The following KIFC3 variants were observed in gnomAD, a reference collection of about 807,000 sequenced individuals.
KIFC3 encodes kinesin-like protein KIFC3.
Under a neutral mutation model 101.8 loss-of-function variants are expected in KIFC3, and 60 were observed. The observed-to-expected ratio is 0.59, with a 90% CI of 0.48 to 0.73. The LOEUF (loss-of-function observed/expected upper bound fraction) is 0.73, where lower values mean the gene tolerates loss of function less well. KIFC3 is among the 30% of genes least tolerant of loss of function. KIFC3 has a pLI of 0.00. For missense variants in KIFC3, 966 were observed against 1,137.1 expected (o/e 0.85, Z 2.16); for synonymous variants, 476 against 482.7 (o/e 0.99, Z 0.18).
chr16:57,764,074 G>C, intron 12 of KIFC3, 69 bp downstream of exon 12: 1 of 1,102,618 alleles, frequency 9.1e-7, no homozygotes, highest in Non-Finnish European at 1.4e-6. Flanking sequence ...AATACCCCAA[G>C]ACCAATGAGG....
intron 1 of KIFC3, among the ~76,000 whole-genome samples, chr16:57,830,841 G>C (rs568365185): frequency 1.3e-5 from 2 of 152,142 alleles, no homozygotes; most frequent in Non-Finnish European, 2.9e-5. Context: ...ATTATGCCAT[G>C]GGCTTGCCTG....
At position 57,767,386 on chromosome 16, in the gene KIFC3, A is replaced by G. The variant is rs143085713; in HGVS notation, c.1219-401T>C. On this transcript the variant is annotated intron_variant, in intron 9 of 19. Coordinates refer to ENST00000445690, the MANE Select transcript of KIFC3 (RefSeq NM_001130100.2). ...TTTTCTCATCTGGAAAGCAGGGATAATACCATCTAACTCATGAATCTGTAA... is the reference window on the plus strand; with the variant it reads ...TTTTCTCATCTGGAAAGCAGGGATAGTACCATCTAACTCATGAATCTGTAA... Among the ~76,000 whole-genome samples the G allele has an allele frequency of 6.6e-4, 100 of 152,306 alleles. 2 individuals are homozygous for G. Among genetic ancestry groups the G allele is most frequent in the Middle Eastern group, 6.8e-3 (2 of 294 alleles).
upstream of KIFC3, chr16:57,802,606 C>T (rs578138824): frequency 9.8e-7 from 1 of 1,017,718 alleles, no homozygotes; most frequent in South Asian, 4.4e-5. This position sits in a 1 kb window ranked among gnomAD's most constrained non-coding sequence, Gnocchi z 5.0. Context: ...CGCACTGGCG[C>T]GCACGCGTCA....
At chr16:57,840,443 T>C (rs986268103) in intron 1 of KIFC3, among the ~76,000 whole-genome samples, 9 of 151,380 alleles carry the variant, frequency 5.9e-5, no homozygotes, top group East Asian at 2.0e-4. Flanking sequence ...CAGGGCAACA[T>C]AGCAAGACCC....
intron 1 of KIFC3, among the ~76,000 whole-genome samples, chr16:57,825,668 TTTTG>T (rs1208460451): frequency 9.8e-5 from 15 of 152,310 alleles, no homozygotes; most frequent in Admixed American, 2.6e-4. Context: ...CTTTTTTGTT[TTTTG>T]TTTGTTTGTT....
chr16:57,770,326 G>A (rs1318433432), intron 7 of KIFC3, among the ~76,000 whole-genome samples: 7 of 152,262 alleles, frequency 4.6e-5, no homozygotes, highest in African/African-American at 1.2e-4. Context: ...CCACTGTGAG[G>A]TGGGTTCTGG....
At chr16:57,797,971 G>A (rs2054473690) in intron 2 of KIFC3, 101 bp downstream of exon 2, 2 of 1,545,616 alleles carry the variant, frequency 1.3e-6, no homozygotes. Flanking sequence ...TTACCTGACA[G>A]CTCTGACTGG....
chr16:57,861,230 G>A lies in KIFC3; in HGVS notation c.108+1499C>T, dbSNP rs368778617. Among the ~76,000 whole-genome samples, 8 of 152,164 alleles carry A rather than the reference G, an allele frequency of 5.3e-5. No homozygotes were observed. The East Asian group carries it at 1.2e-3, about 22-fold the overall frequency. On this transcript the variant is annotated intron_variant, in intron 1 of 2. Transcript: ENST00000563028. Reference sequence around the variant, plus strand: ...CATTTTGTTCTTGAAATATTGGGACGTTTCCATAAGTTCTGGGTCTTTATT... The same window carrying A: ...CATTTTGTTCTTGAAATATTGGGACATTTCCATAAGTTCTGGGTCTTTATT...
chr16:57,855,956 A>T (rs2149334215), intron 1 of KIFC3, among the ~76,000 whole-genome samples: 1 of 151,610 alleles, frequency 6.6e-6, no homozygotes, highest in Admixed American at 6.6e-5. Flanking sequence ...AAAAAAAAAA[A>T]AAAACCAAAA....
At chr16:57,760,201 C>T in intron 17 of KIFC3, 81 bp downstream of exon 17, 1 of 1,510,084 alleles carries the variant, frequency 6.6e-7, no homozygotes, top group Non-Finnish European at 8.9e-7. Context: ...CAGGACGTCC[C>T]CGCCCAGCTC....
chr16:57,854,646 A>G (rs1005384220), intron 1 of KIFC3, among the ~76,000 whole-genome samples: 1 of 133,948 alleles, frequency 7.5e-6, no homozygotes, highest in Admixed American at 7.1e-5. Flanking sequence ...AAAAAAAAAG[A>G]AAGAAAGAAA....
At chr16:57,810,585 C>T (rs2055047271) in intron 1 of KIFC3, 1 of 880,616 alleles carries the variant, frequency 1.1e-6, no homozygotes, top group Non-Finnish European at 1.4e-6. Flanking sequence ...CCATCTGCCA[C>T]CTTCCAAGGG....
intron 16 of KIFC3, 141 bp from the exon 17 acceptor site, chr16:57,760,557 G>A: frequency 8.6e-7 from 1 of 1,163,294 alleles, no homozygotes; most frequent in Non-Finnish European, 1.2e-6. Context: ...CAACATGGCA[G>A]AGGTGCTGTG....
At chr16:57,822,424 G>A (rs1215106167) in intron 1 of KIFC3, among the ~76,000 whole-genome samples, 1 of 152,166 alleles carries the variant, frequency 6.6e-6, no homozygotes, top group Non-Finnish European at 1.5e-5. Context: ...CAATGTGGCT[G>A]GGCGCGGTGG....
upstream of KIFC3, chr16:57,802,634 C>G (rs1347432485): frequency 4.7e-6 from 5 of 1,073,178 alleles, no homozygotes; most frequent in Non-Finnish European, 4.6e-6. The surrounding 1 kb of genome is among the most constrained non-coding windows in gnomAD (Gnocchi z 5.0). Context: ...CGCGCCCCCG[C>G]AGGTCTCCCG....
Position 57,765,636 on chromosome 16 carries a change from G to A in KIFC3, c.1335C>T (p.Asn445=). The A allele has an allele frequency of 2.5e-6, 4 of 1,609,858 alleles. No individual in the cohort carries two copies. Among genetic ancestry groups the A allele is most frequent in the East Asian group, 2.2e-5 (1 of 44,838 alleles). Residue 445 remains asparagine, a synonymous_variant, in exon 11 of 20, where the codon AAC becomes AAT. Coordinates refer to ENST00000445690, the MANE Select transcript of KIFC3 (RefSeq NM_001130100.2). ...CHNELVRLKG[N]IRVIARVRPV... ...GCCGGACACGAGCAATCACTCGGAT[G>A]TTCCCTGGATTGGTTGGGGATGGGG...
chr16:57,786,639 CT>C (rs2149124044), intron 3 of KIFC3, among the ~76,000 whole-genome samples: 2 of 152,264 alleles, frequency 1.3e-5, no homozygotes, highest in South Asian at 4.1e-4. Flanking sequence ...CCAGAGAGCG[CT>C]GCCCTCCACC....
At chr16:57,770,264 C>CTG (rs782475234) in intron 7 of KIFC3, among the ~76,000 whole-genome samples, 4 of 152,270 alleles carry the variant, frequency 2.6e-5, no homozygotes, top group Non-Finnish European at 5.9e-5. Flanking sequence ...TGAGCACAGC[C>CTG]TGTGTGCTGG....
chr16:57,762,301 C>G (rs782304818), intron 12 of KIFC3, 31 bp from the exon 13 acceptor site: 2 of 1,501,232 alleles, frequency 1.3e-6, no homozygotes, highest in East Asian at 5.0e-5. Flanking sequence ...CCCAGTAAGC[C>G]AGGCCTGTCC....
Sources: allele counts gnomAD v4.1 joint callset (sites outside exome capture counted in the v4.1 genomes callset), GRCh38; gene constraint gnomAD v4.1.1; non-coding constraint Gnocchi (gnomAD v3.1); transcripts MANE v1.5; gene names NCBI Gene and HGNC (gene_info 2026-07-23, HGNC 2026-07-21).